C1QTNF3: variants seen among roughly 807,000 people sequenced by gnomAD.
The protein encoded by C1QTNF3 is complement C1q tumor necrosis factor-related protein 3.
In C1QTNF3, 26 loss-of-function variants were observed where a neutral mutation model predicts 32.6. That is an observed-to-expected ratio of 0.80 (90% CI 0.58 to 1.11). The LOEUF is 1.11. Ranked by LOEUF, C1QTNF3 falls within the 50% of genes least tolerant of loss-of-function variation. C1QTNF3 has a pLI of 0.00. For synonymous variants in C1QTNF3, 155 were observed against 146.0 expected, an observed-to-expected ratio of 1.06 and a Z score of -0.44; for missense variants, 362 against 398.2, an observed-to-expected ratio of 0.91 and a Z score of 0.77.
At chr5:34,028,730 C>G (rs773960974) in intron 4 of C1QTNF3, 24 bp downstream of exon 4, 1 of 1,586,032 alleles carries the variant, frequency 6.3e-7, no homozygotes, top group Non-Finnish European at 8.6e-7. Flanking sequence ...TTAACTCAAT[C>G]TTCATCCTAT....
chr5:34,168,425 A>T, the C1QTNF3 span: 1 of 151,258 alleles, frequency 6.6e-6, no homozygotes, highest in Non-Finnish European at 1.5e-5. Context: ...TTGCAAGGTG[A>T]GGTGGAGGAA....
the C1QTNF3 span, among the ~76,000 whole-genome samples, chr5:34,089,942 G>A: frequency 3.3e-5 from 5 of 152,148 alleles, no homozygotes; most frequent in African/African-American, 7.2e-5. Context: ...CAGTTATGAC[G>A]GAGCTGCATA....
the C1QTNF3 span, among the ~76,000 whole-genome samples, chr5:34,196,833 T>C: frequency 6.6e-6 from 1 of 151,834 alleles, no homozygotes; most frequent in African/African-American, 2.4e-5. Flanking sequence ...CTAATTTTTT[T>C]GTATTTTTAA....
intron 1 of C1QTNF3, among the ~76,000 whole-genome samples, chr5:34,040,030 C>A (rs557798879): frequency 6.6e-6 from 1 of 152,280 alleles, no homozygotes; most frequent in East Asian, 1.9e-4. Flanking sequence ...TTCCTCTGGC[C>A]TTGTCTTTCA....
chr5:34,136,927 C>T, the C1QTNF3 span, among the ~76,000 whole-genome samples: 2 of 151,948 alleles, frequency 1.3e-5, no homozygotes, highest in Non-Finnish European at 2.9e-5. Flanking sequence ...CATGTTCTCT[C>T]ATAGGTGGGA....
At position 34,042,976 on chromosome 5, in the gene C1QTNF3, G is replaced by A. The variant is rs143587337; in HGVS notation, c.150C>T (p.Ser50=). The change falls in exon 1 of 6, where the codon AGC becomes AGT. Residue 50 remains serine (S), a synonymous_variant. Coordinates refer to ENST00000382065, the MANE Select transcript of C1QTNF3 (RefSeq NM_181435.6). ...CTCTCACTTTCTCCCTCCTGGAGCCGCTACGGCCAGTCTGCTGGTGGCTTT... is the reference window on the plus strand; with the variant it reads ...CTCTCACTTTCTCCCTCCTGGAGCCACTACGGCCAGTCTGCTGGTGGCTTT... ...IVQSHQQTGR[S]GSRREKVRER... 1.8e-5 allele frequency: 29 copies of A among 1,614,048 alleles called. No homozygotes were observed. The highest frequency in any genetic ancestry group is 1.6e-4 in the Middle Eastern group (1 of 6,078).
chr5:34,128,951 A>G, the C1QTNF3 span, among the ~76,000 whole-genome samples: 1 of 152,166 alleles, frequency 6.6e-6, no homozygotes, highest in Admixed American at 6.5e-5. Flanking sequence ...GGGCAGAACA[A>G]TATGGTTTGG....
intron 1 of C1QTNF3, among the ~76,000 whole-genome samples, chr5:34,036,483 T>A (rs1386248773): frequency 6.6e-6 from 1 of 152,216 alleles, no homozygotes; most frequent in Non-Finnish European, 1.5e-5. Flanking sequence ...TATACTGTTT[T>A]TGTAGAGAGA....
chr5:34,175,597 C>A, the C1QTNF3 span: 1 of 442,278 alleles, frequency 2.3e-6, no homozygotes, highest in African/African-American at 2.0e-5. Context: ...AGCAGACTCT[C>A]ATGTTTGCTT....
At chr5:34,024,228 A>G in intron 4 of C1QTNF3, 1 of 469,092 alleles carries the variant, frequency 2.1e-6, no homozygotes, top group East Asian at 3.7e-5. Flanking sequence ...AAGACTTAAA[A>G]GTCTTTAAGG....
the C1QTNF3 span, among the ~76,000 whole-genome samples, chr5:34,173,870 CATTAGTAAGA>C: frequency 1.3e-5 from 2 of 151,170 alleles, no homozygotes; most frequent in South Asian, 2.1e-4. Context: ...GACAGACATC[CATTAGTAAGA>C]ATTAATTTCT....
chr5:34,156,581 A>G, the C1QTNF3 span, among the ~76,000 whole-genome samples: 1 of 152,206 alleles, frequency 6.6e-6, no homozygotes, highest in East Asian at 1.9e-4. Flanking sequence ...TGGGAGTGAC[A>G]GAAACCTAAA....
the C1QTNF3 span, among the ~76,000 whole-genome samples, chr5:34,214,964 A>G: frequency 1.3e-5 from 2 of 152,210 alleles, no homozygotes; most frequent in Admixed American, 1.3e-4. Flanking sequence ...AGTAGAACAG[A>G]CAATTGTTAT....
At chr5:34,049,861 T>A in the C1QTNF3 span, among the ~76,000 whole-genome samples, 1 of 152,206 alleles carries the variant, frequency 6.6e-6, no homozygotes, top group Non-Finnish European at 1.5e-5. Flanking sequence ...ATGAAGCCTG[T>A]CTACATTATG....
At chr5:34,087,885 T>C in the C1QTNF3 span, among the ~76,000 whole-genome samples, 1 of 152,220 alleles carries the variant, frequency 6.6e-6, no homozygotes, top group Non-Finnish European at 1.5e-5. Context: ...CATCTGGCCC[T>C]TTTATTTTTT....
At chr5:34,128,590 A>T in the C1QTNF3 span, among the ~76,000 whole-genome samples, 7 of 152,356 alleles carry the variant, frequency 4.6e-5, 1 homozygote, top group Admixed American at 3.9e-4. Context: ...CACTTGTTGC[A>T]TCAGCATTCC....
At chr5:34,084,872 T>C in the C1QTNF3 span, among the ~76,000 whole-genome samples, 7 of 148,100 alleles carry the variant, frequency 4.7e-5, no homozygotes, top group African/African-American at 1.5e-4. Context: ...TTGGCTTTTG[T>C]TGCCATTACT....
chr5:34,227,731 T>C, the C1QTNF3 span, among the ~76,000 whole-genome samples: 1 of 151,920 alleles, frequency 6.6e-6, no homozygotes, highest in Non-Finnish European at 1.5e-5. Context: ...TGAGCTTTTC[T>C]GGCACAATGA....
chr5:34,100,851 AAACT>A, the C1QTNF3 span, among the ~76,000 whole-genome samples: 1 of 151,532 alleles, frequency 6.6e-6, no homozygotes, highest in African/African-American at 2.4e-5. Context: ...TTCTAAAAAT[AAACT>A]AACCCAAATA....
Sources: allele counts gnomAD v4.1 joint callset (sites outside exome capture counted in the v4.1 genomes callset), GRCh38; gene constraint gnomAD v4.1.1; transcripts MANE v1.5; gene names NCBI Gene and HGNC (gene_info 2026-07-23, HGNC 2026-07-21).